RUFY2: variants seen among roughly 807,000 people sequenced by gnomAD.
RUFY2 encodes the protein RUN and FYVE domain-containing protein 2.
Under a neutral mutation model 94.4 loss-of-function variants are expected in RUFY2, and 49 were observed. The observed-to-expected ratio is 0.52, with a 90% confidence interval of 0.41 to 0.66. RUFY2 has a LOEUF of 0.66. RUFY2 is among the 30% of genes least tolerant of loss of function. The probability of loss-of-function intolerance (pLI) is 0.00; values close to 1 mark genes in which losing one functional copy is unlikely to be tolerated. For missense variants in RUFY2, 541 were observed against 692.8 expected (o/e 0.78, Z 2.46); for synonymous variants, 255 against 235.7 (o/e 1.08, Z -0.75).
intron 4 of RUFY2, 146 bp from the exon 5 acceptor site, chr10:68,394,597 G>T: frequency 2.6e-6 from 1 of 387,394 alleles, no homozygotes; most frequent in Admixed American, 4.3e-5. Context: ...CTTTATACGT[G>T]TGAATAACTT....
intron 15 of RUFY2, among the ~76,000 whole-genome samples, chr10:68,361,655 A>G (rs1273824160): frequency 1.3e-5 from 2 of 152,234 alleles, no homozygotes; most frequent in African/African-American, 4.8e-5. Flanking sequence ...TTGAGATCTA[A>G]TATTTCCTTT....
intron 7 of RUFY2, among the ~76,000 whole-genome samples, chr10:68,388,112 A>C (rs976412816): frequency 6.6e-6 from 1 of 152,176 alleles, no homozygotes; most frequent in Non-Finnish European, 1.5e-5. Flanking sequence ...AGGATACAAT[A>C]ATCATCAAGA....
At position 68,351,423 on chromosome 10, in the gene RUFY2, A is replaced by C. The variant is rs796202267; in HGVS notation, c.1599+3930T>G. Among the ~76,000 whole-genome samples, 55 of 146,114 alleles carry C rather than the reference A, an allele frequency of 3.8e-4. 1 individual carries two copies. The South Asian group carries it at 0.012, about 31-fold the overall frequency. Reference sequence around the variant, plus strand: ...AGTGCTGGGATTATAGGCGTGAGCCACCACGCCCAACCTCCACCCATCTTT... The same window carrying C: ...AGTGCTGGGATTATAGGCGTGAGCCCCCACGCCCAACCTCCACCCATCTTT... On this transcript the variant is annotated intron_variant, in intron 16 of 17. Transcript: ENST00000602465.
chr10:68,344,335 T>A lies in RUFY2; in HGVS notation c.*1433A>T, dbSNP rs1402044073. On this transcript the variant is annotated 3_prime_UTR_variant, in exon 18 of 18. Transcript: ENST00000602465. ...GGTACCTAGGATTAACCACTAAATA[T>A]AATGCTCTTAATCCATAAATTTTCT... 6.6e-6 allele frequency: 1 copy of A among 152,222 alleles called. No individual in the cohort carries two copies. Among genetic ancestry groups the A allele is most frequent in the Non-Finnish European group, 1.5e-5 (1 of 68,038 alleles). The allele number at this position is 152,222 out of a possible 1,614,324, so 9.4% of individuals were successfully genotyped here.
chr10:68,353,287 C>T lies in RUFY2; in HGVS notation c.1599+2066G>A, dbSNP rs561767791. The stretch of plus-strand genomic sequence containing the variant: ...CGGAGGTTGCAATGAGCCGAGATCG[C>T]GCCACTGCACTCCAGCCTGGGTAAC... On this transcript the variant is annotated intron_variant, in intron 16 of 17. Transcript: ENST00000602465. 2.4e-4 allele frequency among the ~76,000 whole-genome samples: 36 copies of T among 148,692 alleles called. 1 individual carries two copies. The highest frequency in any genetic ancestry group is 8.2e-4 in the African/African-American group (33 of 40,362).
Position 68,379,532 on chromosome 10 carries a change from A to C in RUFY2, c.1108-11T>G, listed in dbSNP as rs2048884559. On this transcript the variant is annotated splice_polypyrimidine_tract_variant and intron_variant, in intron 11 of 17. Coordinates refer to ENST00000602465, the MANE Select transcript of RUFY2 (RefSeq NM_001330103.2). The stretch of plus-strand genomic sequence containing the variant: ...GCCATCTTCAGAACCCTATTTATAA[A>C]AACAAAAGCTATGGTGGTTTTGATT... 1.9e-6 allele frequency: 3 copies of C among 1,584,874 alleles called. No homozygotes were observed. The highest frequency in any genetic ancestry group is 1.7e-6 in the Non-Finnish European group (2 of 1,158,918).
chr10:68,343,029 G>A (rs2046057185), downstream of RUFY2: 1 of 152,142 alleles, frequency 6.6e-6, no homozygotes, highest in African/African-American at 2.4e-5. Flanking sequence ...TCTATATGTA[G>A]CAAGGAAAAG....
At chr10:68,380,185 C>T (rs917246878) in intron 11 of RUFY2, among the ~76,000 whole-genome samples, 1 of 151,696 alleles carries the variant, frequency 6.6e-6, no homozygotes, top group African/African-American at 2.4e-5. Context: ...AACAATCCTC[C>T]CATCTCGGCC....
Position 68,355,253 on chromosome 10 carries a change from A to G in RUFY2, c.1599+100T>C, listed in dbSNP as rs1015292507. On this transcript the variant is annotated intron_variant, in intron 16 of 17. Coordinates refer to ENST00000602465, the MANE Select transcript of RUFY2 (RefSeq NM_001330103.2). ...CTCCTCATTCAGTGCTTCGGCCTCT[A>G]TATATCCTGGGGTTAATAATACATT... The G allele has an allele frequency of 3.6e-6, 3 of 827,368 alleles. No homozygotes were observed. In the African/African-American group the frequency reaches 5.2e-5, roughly 14 times the overall value. The allele number at this position is 827,368 out of a possible 1,614,324, so 51.3% of individuals were successfully genotyped here.
chr10:68,361,455 G>A (rs2047458928), intron 15 of RUFY2, among the ~76,000 whole-genome samples: 1 of 152,142 alleles, frequency 6.6e-6, no homozygotes, highest in East Asian at 1.9e-4. Flanking sequence ...ATAGTGCCTG[G>A]CACATAGTAG....
intron 7 of RUFY2, among the ~76,000 whole-genome samples, chr10:68,392,072 C>T (rs2050038320): frequency 1.3e-5 from 2 of 150,848 alleles, no homozygotes; most frequent in African/African-American, 4.9e-5. Flanking sequence ...ACTTTTGTTG[C>T]CCAAGCTGCA....
At chr10:68,365,486 A>G (rs1009094906) in intron 13 of RUFY2, among the ~76,000 whole-genome samples, 1 of 152,144 alleles carries the variant, frequency 6.6e-6, no homozygotes, top group African/African-American at 2.4e-5. Flanking sequence ...CCTGTGACGG[A>G]ATGGTGTCCT....
intron 16 of RUFY2, among the ~76,000 whole-genome samples, chr10:68,349,076 A>C (rs2046476853): frequency 6.6e-6 from 1 of 152,190 alleles, no homozygotes; most frequent in African/African-American, 2.4e-5. Flanking sequence ...CCAATAGTTC[A>C]CTAATCATAG....
intron 15 of RUFY2, among the ~76,000 whole-genome samples, chr10:68,359,834 T>G (rs1028340374): frequency 6.6e-6 from 1 of 150,570 alleles, no homozygotes; most frequent in African/African-American, 2.4e-5. Context: ...ACACTGACTA[T>G]TCTTCTGAGT....
At chr10:68,358,002 A>G (rs1564788661) in intron 15 of RUFY2, among the ~76,000 whole-genome samples, 7 of 152,128 alleles carry the variant, frequency 4.6e-5, no homozygotes. Context: ...AGCCTGGCCA[A>G]CATGGTGAAA....
chr10:68,347,380 G>T (rs1350356985), intron 16 of RUFY2, among the ~76,000 whole-genome samples: 1 of 147,114 alleles, frequency 6.8e-6, no homozygotes, highest in Non-Finnish European at 1.5e-5. Flanking sequence ...CGTCTCCCAG[G>T]TTCAAGTGAT....
intron 3 of RUFY2, among the ~76,000 whole-genome samples, chr10:68,400,735 T>G (rs571912161): frequency 7.9e-6 from 1 of 126,890 alleles, no homozygotes; most frequent in Non-Finnish European, 1.7e-5. Context: ...AATATAGGCT[T>G]GGCGCGGTGG....
chr10:68,352,514 A>C (rs954503752), intron 16 of RUFY2, among the ~76,000 whole-genome samples: 1 of 152,238 alleles, frequency 6.6e-6, no homozygotes, highest in Non-Finnish European at 1.5e-5. Context: ...AAGAAAAAAT[A>C]ATGACGTAAC....
In RUFY2 at chr10:68,363,983, CTTTT is replaced by C; in HGVS notation, c.1452_1455del (p.Lys485SerfsTer12). 6.3e-7 allele frequency: 1 copy of C among 1,575,720 alleles called. No individual in the cohort carries two copies. Among genetic ancestry groups the C allele is most frequent in the Non-Finnish European group, 8.7e-7 (1 of 1,153,678 alleles). On this transcript the variant is annotated frameshift_variant and splice_region_variant, in exon 14 of 18. Coordinates refer to ENST00000602465, the MANE Select transcript of RUFY2 (RefSeq NM_001330103.2). LOFTEE classifies it high-confidence loss of function. ...ATTTTTAAAGTTTTACCACTATTTA[CTTTT>C]TTAAGACTAATGATTTGTTGAGTCT...
Sources: allele counts gnomAD v4.1 joint callset (sites outside exome capture counted in the v4.1 genomes callset), GRCh38; gene constraint gnomAD v4.1.1; transcripts MANE v1.5; gene names NCBI Gene and HGNC (gene_info 2026-07-23, HGNC 2026-07-21).